NDRG3: variants seen among roughly 807,000 people sequenced by gnomAD.
The protein encoded by NDRG3 is protein NDRG3.
Under a neutral mutation model 57.2 loss-of-function variants are expected in NDRG3, and 23 were observed. The ratio of observed to expected loss-of-function variants is 0.40; its 90% CI spans 0.29 to 0.57. The LOEUF (loss-of-function observed/expected upper bound fraction) is 0.57. Among genes scored for constraint, NDRG3 ranks in the 20% least tolerant of loss-of-function variants. NDRG3 has a pLI of 0.42. For missense variants in NDRG3, 384 were observed against 457.3 expected (o/e 0.84, Z 1.46); for synonymous variants, 132 against 162.6 (o/e 0.81, Z 1.43).
chr20:36,680,969 C>CA, intron 7 of NDRG3, 67 bp from the exon 8 acceptor site: 1 of 1,297,514 alleles, frequency 7.7e-7, no homozygotes, highest in Non-Finnish European at 1.1e-6. Flanking sequence ...ACAGTTGGAA[C>CA]ATGGTTGATC....
chr20:36,658,655 C>T (rs1340006334), intron 13 of NDRG3, among the ~76,000 whole-genome samples: 1 of 152,150 alleles, frequency 6.6e-6, no homozygotes, highest in African/African-American at 2.4e-5. Flanking sequence ...TCCAAGTTCC[C>T]AAGTTCAAAC....
chr20:36,726,322 G>A (rs962906035), intron 1 of NDRG3, among the ~76,000 whole-genome samples: 1 of 152,092 alleles, frequency 6.6e-6, no homozygotes, highest in African/African-American at 2.4e-5. Context: ...CTATCAGCTA[G>A]GCCCAATGCA....
intron 2 of NDRG3, among the ~76,000 whole-genome samples, chr20:36,709,178 C>T (rs1983728607): frequency 6.6e-6 from 1 of 152,176 alleles, no homozygotes; most frequent in Non-Finnish European, 1.5e-5. Flanking sequence ...GCCATATGTA[C>T]AATTTAAGTT....
At chr20:36,718,540 T>TC (rs774501343) in intron 2 of NDRG3, among the ~76,000 whole-genome samples, 5 of 152,200 alleles carry the variant, frequency 3.3e-5, no homozygotes, top group African/African-American at 4.8e-5. Context: ...TTCTCACAGT[T>TC]CTGAAGGCTG....
At position 36,652,232 on chromosome 20, in the gene NDRG3, G is replaced by A. The variant is rs1978317758; in HGVS notation, c.*1288C>T. 2.0e-5 allele frequency: 3 copies of A among 152,154 alleles called. No individual in the cohort carries two copies. The highest frequency in any genetic ancestry group is 1.3e-4 in the Admixed American group (2 of 15,256). The allele number at this position is 152,154 out of a possible 1,614,324, so 9.4% of individuals were successfully genotyped here. Reference sequence around the variant, plus strand: ...GTTTGAGACCAGCCTGGCCAACATGGTGAAACTCCATCTCTACTAAAAATA... The same window carrying A: ...GTTTGAGACCAGCCTGGCCAACATGATGAAACTCCATCTCTACTAAAAATA... On this transcript the variant is annotated 3_prime_UTR_variant, in exon 16 of 16. Transcript: ENST00000349004.
At chr20:36,697,738 A>C (rs1982916285) in intron 3 of NDRG3, among the ~76,000 whole-genome samples, 1 of 151,878 alleles carries the variant, frequency 6.6e-6, no homozygotes, top group South Asian at 2.1e-4. Flanking sequence ...TTAATACTGC[A>C]TCTTTACATT....
chr20:36,696,798 G>T (rs1360350355), intron 3 of NDRG3, among the ~76,000 whole-genome samples: 1 of 152,146 alleles, frequency 6.6e-6, no homozygotes, highest in Admixed American at 6.5e-5. Context: ...GCCGCCTCTG[G>T]CCTTTTCTAT....
chr20:36,704,988 C>T (rs544111632), intron 3 of NDRG3, among the ~76,000 whole-genome samples: 1 of 152,214 alleles, frequency 6.6e-6, no homozygotes, highest in Admixed American at 6.5e-5. Flanking sequence ...AGTTATAAAA[C>T]TTAATTCTTA....
intron 2 of NDRG3, among the ~76,000 whole-genome samples, chr20:36,717,867 G>A (rs1984364879): frequency 6.6e-6 from 1 of 152,192 alleles, no homozygotes; most frequent in East Asian, 1.9e-4. Flanking sequence ...ACTGGGGAGT[G>A]CTATTAGCAT....
intron 1 of NDRG3, among the ~76,000 whole-genome samples, chr20:36,739,396 G>A (rs1330706805): frequency 2.0e-5 from 3 of 151,166 alleles, no homozygotes; most frequent in Admixed American, 1.3e-4. Context: ...GCAGTGAGCC[G>A]GGATCGCCCC....
chr20:36,739,222 G>C (rs942791203), intron 1 of NDRG3, among the ~76,000 whole-genome samples: 2 of 150,310 alleles, frequency 1.3e-5, no homozygotes, highest in African/African-American at 4.9e-5. Context: ...GCCGAGGCTG[G>C]CGGATCACGA....
chr20:36,728,246 G>C (rs1054152370), intron 1 of NDRG3, among the ~76,000 whole-genome samples: 6 of 152,034 alleles, frequency 3.9e-5, no homozygotes, highest in African/African-American at 1.4e-4. Context: ...AGTAGAGACG[G>C]GGTTTCACTG....
chr20:36,731,766 C>T (rs1172160669), intron 1 of NDRG3, among the ~76,000 whole-genome samples: 1 of 151,218 alleles, frequency 6.6e-6, no homozygotes, highest in Non-Finnish European at 1.5e-5. Context: ...GCCGAGATCG[C>T]ACCACTGTGC....
intron 3 of NDRG3, among the ~76,000 whole-genome samples, chr20:36,697,927 T>C (rs1160988878): frequency 6.6e-6 from 1 of 151,862 alleles, no homozygotes; most frequent in African/African-American, 2.4e-5. Flanking sequence ...TTCCAATAGT[T>C]CTAGGTTACA....
At chr20:36,709,643 T>C (rs891844713) in intron 2 of NDRG3, among the ~76,000 whole-genome samples, 2 of 152,206 alleles carry the variant, frequency 1.3e-5, no homozygotes, top group South Asian at 4.1e-4. Flanking sequence ...GTCTGAGGAC[T>C]TCTTCAGAGA....
At chr20:36,733,555 T>C (rs1159440382) in intron 1 of NDRG3, among the ~76,000 whole-genome samples, 1 of 151,898 alleles carries the variant, frequency 6.6e-6, no homozygotes, top group Non-Finnish European at 1.5e-5. Context: ...AAACCCCGTC[T>C]CTACTAAATA....
chr20:36,738,299 A>G (rs1215832243), intron 1 of NDRG3, among the ~76,000 whole-genome samples: 1 of 151,910 alleles, frequency 6.6e-6, no homozygotes, highest in East Asian at 1.9e-4. Context: ...GTTCGAGACC[A>G]GCCTGGCCAA....
intron 3 of NDRG3, among the ~76,000 whole-genome samples, chr20:36,689,902 A>G (rs1478141214): frequency 6.6e-6 from 1 of 151,798 alleles, no homozygotes; most frequent in South Asian, 2.1e-4. Context: ...TTGTATTTTT[A>G]GTAGAGACGG....
intron 15 of NDRG3, chr20:36,654,851 A>G: frequency 1.3e-6 from 1 of 779,762 alleles, no homozygotes; most frequent in South Asian, 1.3e-5. Context: ...TGGAAGCAGG[A>G]TGGACACAGG....
Sources: gnomAD v4.1 joint callset for allele counts (sites outside exome capture counted in the v4.1 genomes callset) on GRCh38, gnomAD v4.1.1 for gene constraint, MANE v1.5 for transcripts, NCBI Gene and HGNC (gene_info 2026-07-23, HGNC 2026-07-21) for gene names.